Variants in SLIT2 observed in about 807,000 individuals in gnomAD.
SLIT2 encodes the protein slit homolog 2 protein.
Under a neutral mutation model 185.7 loss-of-function variants are expected in SLIT2, and 41 were observed. That is an observed-to-expected ratio of 0.22 (90% CI 0.17 to 0.29). The LOEUF (loss-of-function observed/expected upper bound fraction) is 0.29. Among genes scored for constraint, SLIT2 ranks in the 10% least tolerant of loss-of-function variants. The pLI, the probability that SLIT2 is intolerant of heterozygous loss-of-function variation, is 1.00. For missense variants in SLIT2, 1,571 were observed against 1,909.0 expected (o/e 0.82, Z 3.30); for synonymous variants, 693 against 680.2 (o/e 1.02, Z -0.29).
rs1717788010 is a variant in SLIT2, at chr4:20,491,644, C to G, written c.776-117C>G. The G allele has an allele frequency of 1.9e-5, 15 of 800,578 alleles. No individual in the cohort carries two copies. In the East Asian group the frequency reaches 3.8e-4, roughly 20 times the overall value. 49.6% of individuals were successfully genotyped at this position (800,578 alleles called of 1,614,324 possible). ...TAGAAATATAGGACCATTTTATCATCATGTATTTAAAGAGATTTATTTATG... is the reference window on the plus strand; with the variant it reads ...TAGAAATATAGGACCATTTTATCATGATGTATTTAAAGAGATTTATTTATG... On this transcript the variant is annotated intron_variant, in intron 8 of 36. Coordinates refer to ENST00000504154, the MANE Select transcript of SLIT2 (RefSeq NM_004787.4).
intron 5 of SLIT2, among the ~76,000 whole-genome samples, chr4:20,470,387 C>A (rs1189533726): frequency 3.3e-5 from 5 of 151,798 alleles, no homozygotes; most frequent in African/African-American, 1.2e-4. Context: ...GTGAACAAGG[C>A]ATTAAAGGCT....
At chr4:20,492,001 T>A (rs1717826056) in intron 9 of SLIT2, 102 bp downstream of exon 9, 3 of 1,123,284 alleles carry the variant, frequency 2.7e-6, no homozygotes, top group Non-Finnish European at 3.9e-6. Flanking sequence ...ATCTGATCAA[T>A]TGGCTTAGAC....
chr4:20,546,418 T>A (rs1350583085), intron 22 of SLIT2, among the ~76,000 whole-genome samples: 1 of 152,086 alleles, frequency 6.6e-6, no homozygotes, highest in Non-Finnish European at 1.5e-5. Flanking sequence ...TATGACAAAC[T>A]AAGGAAGGAA....
chr4:20,415,504 GTT>G (rs1560403591), intron 4 of SLIT2, among the ~76,000 whole-genome samples: 9 of 151,010 alleles, frequency 6.0e-5, no homozygotes. Context: ...AAAATGTGTC[GTT>G]ATTATAATTA....
At chr4:20,360,965 G>A (rs1722688652) in intron 4 of SLIT2, among the ~76,000 whole-genome samples, 1 of 152,060 alleles carries the variant, frequency 6.6e-6, no homozygotes, top group Admixed American at 6.6e-5. Flanking sequence ...GGGGAGAAAT[G>A]AATCCATATT....
At chr4:20,305,521 A>G (rs1223032996) in intron 4 of SLIT2, among the ~76,000 whole-genome samples, 1 of 152,200 alleles carries the variant, frequency 6.6e-6, no homozygotes, top group Non-Finnish European at 1.5e-5. Flanking sequence ...TACCATTAGA[A>G]TGAAAGGCAA....
intron 22 of SLIT2, among the ~76,000 whole-genome samples, chr4:20,546,609 TTAAG>T (rs1723270784): frequency 6.6e-6 from 1 of 152,102 alleles, no homozygotes; most frequent in East Asian, 1.9e-4. Context: ...CATGTAGTGT[TTAAG>T]TAAACTTGAC....
At chr4:20,402,866 T>C (rs1030948461) in intron 4 of SLIT2, among the ~76,000 whole-genome samples, 1 of 151,858 alleles carries the variant, frequency 6.6e-6, no homozygotes, top group East Asian at 1.9e-4. Flanking sequence ...TAAGTTGAAG[T>C]ACTTTATAAG....
intron 4 of SLIT2, among the ~76,000 whole-genome samples, chr4:20,291,904 CTGTGTGTGTGTGTGTGTG>C (rs35335088): frequency 6.8e-6 from 1 of 146,858 alleles, no homozygotes; most frequent in South Asian, 2.2e-4. Flanking sequence ...CTGCACACCT[CTGTGTGTGTGTGTGTGTG>C]TGTGTGTGTG....
chr4:20,555,761 G>T (rs1316357740), intron 26 of SLIT2, among the ~76,000 whole-genome samples: 2 of 151,774 alleles, frequency 1.3e-5, no homozygotes, highest in Non-Finnish European at 2.9e-5. Flanking sequence ...ACTCATCTGA[G>T]ATTTTTTTTA....
intron 26 of SLIT2, among the ~76,000 whole-genome samples, chr4:20,558,139 T>G: frequency 6.6e-6 from 1 of 152,064 alleles, no homozygotes; most frequent in East Asian, 1.9e-4. Context: ...TTATATAAAC[T>G]TAGTTGATAA....
At chr4:20,304,466 T>C (rs1717348910) in intron 4 of SLIT2, among the ~76,000 whole-genome samples, 1 of 152,134 alleles carries the variant, frequency 6.6e-6, no homozygotes, top group Non-Finnish European at 1.5e-5. Flanking sequence ...TTCATGCCCT[T>C]GTGTAGTGCC....
At chr4:20,482,271 G>A (rs888806948) in intron 6 of SLIT2, among the ~76,000 whole-genome samples, 21 of 151,894 alleles carry the variant, frequency 1.4e-4, no homozygotes, top group African/African-American at 4.8e-4. Flanking sequence ...TGCAAAGTTT[G>A]CTATCTTGGA....
At chr4:20,292,339 T>G (rs999970093) in intron 4 of SLIT2, among the ~76,000 whole-genome samples, 9 of 152,216 alleles carry the variant, frequency 5.9e-5, no homozygotes, top group African/African-American at 2.2e-4. Flanking sequence ...AAAATAATCA[T>G]TCTGAGCTTC....
At position 20,550,864 on chromosome 4, in the gene SLIT2, G is replaced by T; in HGVS notation, c.2527G>T (p.Gly843Cys). ...HGNDISVVPE[G>C]AFNDLSALSH... ...AAATGACATTTCTGTTGTGCCTGAA[G>T]GTGCTTTCAATGATCTTTCTGCATT... Residue 843 changes from glycine (G) to cysteine (C), a missense_variant, in exon 25 of 37, where the codon GGT becomes TGT. Around this residue, in one of 3 missense-constraint regions of SLIT2, gnomAD observed 1,202 missense variants for 1,416.4 expected, o/e 0.85. Transcript: ENST00000504154. The T allele has an allele frequency of 6.2e-7, 1 of 1,609,004 alleles. No homozygotes were observed. The highest frequency in any genetic ancestry group is 1.1e-5 in the South Asian group (1 of 90,878).
chr4:20,399,823 A>G (rs1481893416), intron 4 of SLIT2, among the ~76,000 whole-genome samples: 2 of 151,760 alleles, frequency 1.3e-5, no homozygotes, highest in Admixed American at 6.6e-5. Context: ...AACTGAGACC[A>G]AAGTATGAAG....
chr4:20,521,606 T>C (rs182851392), intron 12 of SLIT2, among the ~76,000 whole-genome samples: 144 of 152,294 alleles, frequency 9.5e-4, no homozygotes, highest in African/African-American at 3.2e-3. Context: ...TCAGCATTAC[T>C]TGAGTTGTGG....
intron 17 of SLIT2, 27 bp downstream of exon 17, chr4:20,532,085 T>A (rs1721863511): frequency 1.5e-6 from 2 of 1,368,148 alleles, no homozygotes; most frequent in African/African-American, 2.9e-5. Context: ...CTATTTTTTT[T>A]ATTTCTGTAG....
intron 5 of SLIT2, among the ~76,000 whole-genome samples, chr4:20,471,921 AT>A (rs913790630): frequency 1.3e-5 from 2 of 151,812 alleles, no homozygotes; most frequent in African/African-American, 2.4e-5. Context: ...ACTCGATTAA[AT>A]TTTTTTACAT....
Sources: allele counts gnomAD v4.1 joint callset (sites outside exome capture counted in the v4.1 genomes callset), GRCh38; gene constraint gnomAD v4.1.1; regional missense constraint gnomAD v4.1.1; transcripts MANE v1.5; gene names NCBI Gene and HGNC (gene_info 2026-07-23, HGNC 2026-07-21).